Variants in DAG1 observed in about 807,000 individuals in gnomAD.
DAG1 encodes the protein dystroglycan 1 (dystrophin-associated glycoprotein 1).
Under a neutral mutation model 46.1 loss-of-function variants are expected in DAG1, and 8 were observed. The ratio of observed to expected loss-of-function variants is 0.17; its 90% CI spans 0.10 to 0.31. DAG1 has a LOEUF of 0.31. DAG1 is among the 10% of genes least tolerant of loss of function. The pLI is 1.00. For synonymous variants in DAG1, 495 were observed against 481.8 expected (o/e 1.03, Z -0.36); for missense variants, 1,003 against 1,189.9 (o/e 0.84, Z 2.31).
chr3:49,487,783 T>A (rs2050077374), intron 1 of DAG1, among the ~76,000 whole-genome samples: 1 of 138,846 alleles, frequency 7.2e-6, no homozygotes. Context: ...CACTGCAACC[T>A]CCGCCTCCCG....
Position 49,516,372 on chromosome 3 carries a change from C to T in DAG1, c.285+5553C>T, listed in dbSNP as rs569955202. ...GCTGTATGCAGGGAGAAATGCTAGC[C>T]TGTGCTGGGGCAGCAAGAGACTAAG... On this transcript the variant is annotated intron_variant, in intron 2 of 2. Transcript: ENST00000308775. 5.9e-5 allele frequency among the ~76,000 whole-genome samples: 9 copies of T among 152,360 alleles called. 1 individual carries two copies. The highest frequency in any genetic ancestry group is 5.8e-4 in the East Asian group (3 of 5,176).
chr3:49,497,159 G>A lies in DAG1; in HGVS notation c.-116-13260G>A, dbSNP rs9758870. 3.0e-3 allele frequency among the ~76,000 whole-genome samples: 451 copies of A among 151,638 alleles called. 6 individuals carry two copies. The highest frequency in any genetic ancestry group is 0.011 in the African/African-American group (438 of 41,392). On this transcript the variant is annotated intron_variant, in intron 1 of 2. Coordinates refer to ENST00000308775, the MANE Select transcript of DAG1 (RefSeq NM_004393.6). ...ACAAAATAAAAACTAAAAAATGGCC[G>A]AGCATGATGGTTCACACCTATAATC...
chr3:49,495,163 C>T (rs2050279374), intron 1 of DAG1, among the ~76,000 whole-genome samples: 1 of 152,116 alleles, frequency 6.6e-6, no homozygotes, highest in Non-Finnish European at 1.5e-5. Context: ...CAGGGTAGCC[C>T]CACTGTACCT....
intron 1 of DAG1, among the ~76,000 whole-genome samples, chr3:49,482,301 G>C (rs1222910824): frequency 1.3e-5 from 2 of 152,130 alleles, no homozygotes; most frequent in Non-Finnish European, 2.9e-5. Flanking sequence ...AGAAAGACCT[G>C]ACCTTCCCCC....
At chr3:49,528,876 A>C (rs1483424359) in intron 2 of DAG1, among the ~76,000 whole-genome samples, 1 of 145,656 alleles carries the variant, frequency 6.9e-6, no homozygotes, top group Non-Finnish European at 1.5e-5. Context: ...TCTGAGATGG[A>C]GTCTCACTCT....
intron 1 of DAG1, among the ~76,000 whole-genome samples, chr3:49,472,625 G>A (rs2049554106): frequency 6.6e-6 from 1 of 152,096 alleles, no homozygotes; most frequent in Non-Finnish European, 1.5e-5. Flanking sequence ...GGCTAACACG[G>A]TGAAACCCCC....
rs542439747 is a variant in DAG1 at position 49,514,864 on chromosome 3, T to C, written c.285+4045T>C. ...ACATACATAGACACACACACACATA[T>C]ATATATATTTTTTGAGATGGAATCT... On this transcript the variant is annotated intron_variant, in intron 2 of 2. Coordinates refer to ENST00000308775, the MANE Select transcript of DAG1 (RefSeq NM_004393.6). 9.2e-5 allele frequency among the ~76,000 whole-genome samples: 14 copies of C among 151,584 alleles called. No individual in the cohort carries two copies. The East Asian group carries it at 9.7e-4, about 11-fold the overall frequency.
chr3:49,490,967 C>T (rs1479463930), intron 1 of DAG1, among the ~76,000 whole-genome samples: 1 of 143,886 alleles, frequency 6.9e-6, no homozygotes, highest in African/African-American at 2.6e-5. Context: ...CTCACTGCAA[C>T]TTCTGCCTCC....
chr3:49,501,359 G>T (rs2050444653), intron 1 of DAG1, among the ~76,000 whole-genome samples: 1 of 152,194 alleles, frequency 6.6e-6, no homozygotes, highest in Non-Finnish European at 1.5e-5. Context: ...CTGAAAAAAA[G>T]GTCCTGTGTC....
At chr3:49,493,630 T>C (rs1408947933) in intron 1 of DAG1, among the ~76,000 whole-genome samples, 2 of 152,222 alleles carry the variant, frequency 1.3e-5, no homozygotes, top group African/African-American at 4.8e-5. Context: ...TTACTTTGTA[T>C]AGAAGAGCCT....
At chr3:49,480,043 G>A (rs1333980836) in intron 1 of DAG1, among the ~76,000 whole-genome samples, 9 of 145,044 alleles carry the variant, frequency 6.2e-5, no homozygotes, top group Non-Finnish European at 1.0e-4. Flanking sequence ...TCTGCCTCCC[G>A]GGTTCAATCG....
intron 1 of DAG1, among the ~76,000 whole-genome samples, chr3:49,483,420 GTCT>G (rs2049936518): frequency 6.6e-6 from 1 of 151,966 alleles, no homozygotes; most frequent in Non-Finnish European, 1.5e-5. Flanking sequence ...GGTCAGGCTG[GTCT>G]CAAACTGCGA....
chr3:49,500,059 CCGCTTCCCGGGTT>C (rs1487109770), intron 1 of DAG1, among the ~76,000 whole-genome samples: 4 of 12,594 alleles, frequency 3.2e-4, no homozygotes, highest in East Asian at 0.071. Flanking sequence ...ACTGTAGCCT[CCGCTTCCCGGGTT>C]CAAGCAATTT....
chr3:49,475,998 A>T (rs1380669230), intron 1 of DAG1, among the ~76,000 whole-genome samples: 2 of 152,008 alleles, frequency 1.3e-5, no homozygotes, highest in African/African-American at 4.8e-5. Context: ...TACAGGCATG[A>T]GCCACTGCAC....
chr3:49,526,293 A>C (rs1378805924), intron 2 of DAG1, among the ~76,000 whole-genome samples: 2 of 152,212 alleles, frequency 1.3e-5, no homozygotes, highest in African/African-American at 4.8e-5. Flanking sequence ...AGGGATAATA[A>C]TTTGACATGA....
chr3:49,534,499 A>G lies in DAG1; in HGVS notation c.*1300A>G, dbSNP rs1056341074. ...TTACTAAAGTTTTTATACAGCCTCAAATTGTTTTATTAAAAAAAAGATTTA... is the reference window on the plus strand; with the variant it reads ...TTACTAAAGTTTTTATACAGCCTCAGATTGTTTTATTAAAAAAAAGATTTA... On this transcript the variant is annotated 3_prime_UTR_variant, in exon 3 of 3. Coordinates refer to ENST00000308775, the MANE Select transcript of DAG1 (RefSeq NM_004393.6). 6.6e-6 allele frequency: 1 copy of G among 152,540 alleles called. No homozygotes were observed. Among genetic ancestry groups the G allele is most frequent in the Non-Finnish European group, 1.5e-5 (1 of 68,032 alleles). The allele number at this position is 152,540 out of a possible 1,614,324, so 9.4% of individuals were successfully genotyped here. A position where few individuals can be genotyped will look rare whatever the true frequency, so the allele number is the denominator to read the frequency against.
At chr3:49,514,334 G>GA (rs2050837260) in intron 2 of DAG1, among the ~76,000 whole-genome samples, 1 of 151,894 alleles carries the variant, frequency 6.6e-6, no homozygotes, top group South Asian at 2.1e-4. Context: ...TATAGAAAGG[G>GA]AAAAAAAATC....
chr3:49,512,754 G>A (rs887539759), intron 2 of DAG1, among the ~76,000 whole-genome samples: 1 of 146,386 alleles, frequency 6.8e-6, no homozygotes, highest in Non-Finnish European at 1.5e-5. Flanking sequence ...GATTGCTTGA[G>A]CCCAGGAGTT....
chr3:49,519,238 G>C (rs1486767198), intron 2 of DAG1, among the ~76,000 whole-genome samples: 2 of 152,196 alleles, frequency 1.3e-5, no homozygotes, highest in Admixed American at 6.5e-5. Flanking sequence ...TGGTCAGGGA[G>C]AGACATCTTT....
Sources: gnomAD v4.1 joint callset for allele counts (sites outside exome capture counted in the v4.1 genomes callset) on GRCh38, gnomAD v4.1.1 for gene constraint, MANE v1.5 for transcripts, NCBI Gene and HGNC (gene_info 2026-07-23, HGNC 2026-07-21) for gene names.